The following NFRKB variants were observed in gnomAD, a reference collection of about 807,000 sequenced individuals.
The protein encoded by NFRKB is nuclear factor related to kappa-B-binding protein.
In NFRKB, 62 loss-of-function variants were observed where a neutral mutation model predicts 135.7. The ratio of observed to expected loss-of-function variants is 0.46; its 90% CI spans 0.37 to 0.56. NFRKB has a LOEUF of 0.56. Among genes scored for constraint, NFRKB ranks in the 20% least tolerant of loss-of-function variants. The probability of loss-of-function intolerance (pLI) is 0.00; values close to 1 mark genes in which losing one functional copy is unlikely to be tolerated. For synonymous variants in NFRKB, 678 were observed against 635.6 expected (o/e 1.07, Z -1.00); for missense variants, 1,545 against 1,662.0 (o/e 0.93, Z 1.22).
intron 3 of NFRKB, among the ~76,000 whole-genome samples, chr11:129,890,846 T>C (rs1042054975): frequency 2.0e-5 from 3 of 152,142 alleles, no homozygotes; most frequent in Admixed American, 6.5e-5. Flanking sequence ...ATACAGAAAA[T>C]ACGTGTAGGT....
At position 129,888,706 on chromosome 11, in the gene NFRKB, G is replaced by A. The variant is rs2135673460; in HGVS notation, c.225C>T (p.Pro75=). ...GCTCAGCACTGTCTTCAGGAAACTG[G>A]GGCAGAAACTGCTGGAGGTGTTCAC... is the stretch of plus-strand genomic sequence containing the variant. ...SQREHLQQFL[P]QFPEDSAEQQ... Residue 75 remains proline, a synonymous_variant, in exon 4 of 27, where the codon CCC becomes CCT. Transcript: ENST00000682444. 1.2e-6 allele frequency: 2 copies of A among 1,614,122 alleles called. No homozygotes were observed. Among genetic ancestry groups the A allele is most frequent in the Non-Finnish European group, 8.5e-7 (1 of 1,180,026 alleles).
Position 129,869,712 on chromosome 11 carries a change from T to C in NFRKB, c.3313A>G (p.Ile1105Val), listed in dbSNP as rs140124350. ...GVMPPKAGQT[I>V]TVATHAKQGA... is the part of the protein sequence containing the mutation. ...TGCTTGGCGTGGGTTGCAACGGTGA[T>C]GGTCTGGCCTGCTTTGGGAGGCATC... is the stretch of plus-strand genomic sequence containing the variant. The change falls in exon 24 of 27, where the codon ATC (isoleucine) becomes GTC (valine). Residue 1105 changes from isoleucine (I) to valine (V), a missense_variant. Coordinates refer to ENST00000682444, the MANE Select transcript of NFRKB (RefSeq NM_001143835.2). 203 of 1,614,222 alleles carry C rather than the reference T, an allele frequency of 1.3e-4. No individual in the cohort carries two copies. In the African/African-American group the frequency reaches 2.5e-3, roughly 20 times the overall value.
chr11:129,883,625 G>A (rs1949131635), intron 8 of NFRKB, among the ~76,000 whole-genome samples: 1 of 152,192 alleles, frequency 6.6e-6, no homozygotes, highest in African/African-American at 2.4e-5. Flanking sequence ...TAGAAGGACT[G>A]TCTTTTCTTC....
Position 129,883,222 on chromosome 11 carries a change from A to G in NFRKB, c.817-16T>C, listed in dbSNP as rs755123666. Reference sequence around the variant, plus strand: ...CCGGGTGATCCTAGATGTGATATCCAGAATTTGGTCATGGAGGCCCAAAAA... The same window carrying G: ...CCGGGTGATCCTAGATGTGATATCCGGAATTTGGTCATGGAGGCCCAAAAA... On this transcript the variant is annotated splice_polypyrimidine_tract_variant and intron_variant, in intron 8 of 26. Transcript: ENST00000682444. The G allele has an allele frequency of 1.2e-6, 2 of 1,612,408 alleles. No homozygotes were observed. The highest frequency in any genetic ancestry group is 2.7e-5 in the African/African-American group (2 of 74,890).
rs1345296697 is a variant in NFRKB, at chr11:129,870,118, A to G, written c.2907T>C (p.Val969=). 7.4e-6 allele frequency: 12 copies of G among 1,614,152 alleles called. No homozygotes were observed. Among genetic ancestry groups the G allele is most frequent in the Non-Finnish European group, 1.0e-5 (12 of 1,180,058 alleles). The change falls in exon 24 of 27, where the codon GTT becomes GTC. Residue 969 remains valine, a synonymous_variant. Transcript: ENST00000682444. ...SITTDAKGQT[V]LRITPDMMAT... is the part of the protein sequence containing the mutation. ...CCATCATGTCCGGAGTGATTCGCAG[A>G]ACCGTCTGGCCCTTGGCATCTGTGG...
intron 13 of NFRKB, among the ~76,000 whole-genome samples, chr11:129,879,772 C>G (rs1004492990): frequency 2.0e-5 from 3 of 152,246 alleles, no homozygotes; most frequent in Non-Finnish European, 2.9e-5. Flanking sequence ...ACAGCATCAT[C>G]TGTGCCCTGC....
At chr11:129,888,572 G>A in intron 4 of NFRKB, 22 bp downstream of exon 4, 1 of 1,612,860 alleles carries the variant, frequency 6.2e-7, no homozygotes. Context: ...CCCCCTCAAA[G>A]AAAGAATACT....
intron 7 of NFRKB, 89 bp downstream of exon 7, chr11:129,884,656 A>C (rs1052389997): frequency 2.1e-6 from 3 of 1,427,158 alleles, no homozygotes; most frequent in Non-Finnish European, 2.9e-6. Flanking sequence ...GGTAGGTAGG[A>C]ATCTGCCCCC....
chr11:129,890,745 A>G (rs1949522690), intron 3 of NFRKB, among the ~76,000 whole-genome samples: 2 of 152,202 alleles, frequency 1.3e-5, no homozygotes, highest in Admixed American at 1.3e-4. Context: ...AATGATGACA[A>G]TGACGCATCT....
Position 129,877,309 on chromosome 11 carries a change from G to C in NFRKB, c.1572+16C>G, listed in dbSNP as rs1186358842. The C allele has an allele frequency of 1.2e-6, 2 of 1,613,610 alleles. No homozygotes were observed. Among genetic ancestry groups the C allele is most frequent in the Non-Finnish European group, 8.5e-7 (1 of 1,179,544 alleles). On this transcript the variant is annotated intron_variant, in intron 16 of 26. Coordinates refer to ENST00000682444, the MANE Select transcript of NFRKB (RefSeq NM_001143835.2). Reference sequence around the variant, plus strand: ...CTCACAGAGGCAGAGACTTACACTGGCTTTTAGGTTCTTACCTGCTCCTGA... The same window carrying C: ...CTCACAGAGGCAGAGACTTACACTGCCTTTTAGGTTCTTACCTGCTCCTGA...
chr11:129,888,624 G>C lies in NFRKB; in HGVS notation c.307C>G (p.Pro103Ala). Reference sequence around the variant, plus strand: ...AAAAGCTTCTGGGCAATGTGCAGAGGGTTTCCAAAGCGGAAGTTCTCCCCA... The same window carrying C: ...AAAAGCTTCTGGGCAATGTGCAGAGCGTTTCCAAAGCGGAAGTTCTCCCCA... ...FSGENFRFGNPLHIAQKLFRD... is the reference protein window; with the variant it reads ...FSGENFRFGNALHIAQKLFRD... Residue 103 changes from proline (P) to alanine (A), a missense_variant, in exon 4 of 27, where the codon CCT becomes GCT. Pro to Ala is a conservative substitution (Grantham distance 27). This residue lies in a region of NFRKB where 678 missense variants were observed against 646.7 expected (regional missense o/e 1.05). Transcript: ENST00000682444. 1.9e-6 allele frequency: 3 copies of C among 1,614,142 alleles called. No homozygotes were observed. The highest frequency in any genetic ancestry group is 2.5e-6 in the Non-Finnish European group (3 of 1,180,028).
chr11:129,869,539 C>G lies in NFRKB; in HGVS notation c.3486G>C (p.Val1162=). 6.2e-7 allele frequency: 1 copy of G among 1,613,670 alleles called. No homozygotes were observed. Among genetic ancestry groups the G allele is most frequent in the Non-Finnish European group, 8.5e-7 (1 of 1,180,016 alleles). The change falls in exon 24 of 27, where the codon GTG becomes GTC. Residue 1162 remains valine (V), a synonymous_variant. Coordinates refer to ENST00000682444, the MANE Select transcript of NFRKB (RefSeq NM_001143835.2). ...PISISTGAPT[V]RQVPVSTTVV... Reference sequence around the variant, plus strand: ...CCGTGGTGCTGACAGGGACCTGCCGCACGGTGGGGGCTCCTGTGCTGATGC... The same window carrying G: ...CCGTGGTGCTGACAGGGACCTGCCGGACGGTGGGGGCTCCTGTGCTGATGC...
In NFRKB at chr11:129,874,045, AC is replaced by A. The variant is rs1259853584; in HGVS notation, c.2280-31del. Reference sequence around the variant, plus strand: ...GAAGAACATCGGGGAAAGACAAAAAACAAAAACTTAGGACATGCATACAAAA... The same window carrying A: ...GAAGAACATCGGGGAAAGACAAAAAAAAAAACTTAGGACATGCATACAAAA... On this transcript the variant is annotated intron_variant, in intron 21 of 26. Transcript: ENST00000682444. This position sits in a 1 kb window ranked among gnomAD's most constrained non-coding sequence, Gnocchi z 4.5. 6.2e-7 allele frequency: 1 copy of A among 1,603,022 alleles called. No individual in the cohort carries two copies. The highest frequency in any genetic ancestry group is 1.1e-5 in the South Asian group (1 of 90,806).
intron 13 of NFRKB, among the ~76,000 whole-genome samples, chr11:129,880,165 G>A (rs1172157719): frequency 7.1e-6 from 1 of 139,982 alleles, no homozygotes; most frequent in Non-Finnish European, 1.5e-5. Context: ...ACTCCAGCCT[G>A]GGGACAGAGC....
rs1428281070 is a variant in NFRKB, at chr11:129,869,988, T to C, written c.3037A>G (p.Thr1013Ala). ...GKGISATLHV[T>A]SNPVHAADSP... ...TCAGCTGCATGTACTGGATTGGAAGTGACGTGTAAGGTGGCAGAGATGCCT... is the reference window on the plus strand; with the variant it reads ...TCAGCTGCATGTACTGGATTGGAAGCGACGTGTAAGGTGGCAGAGATGCCT... Residue 1013 changes from threonine to alanine, a missense_variant, in exon 24 of 27, where the codon ACT becomes GCT. Coordinates refer to ENST00000682444, the MANE Select transcript of NFRKB (RefSeq NM_001143835.2). The C allele has an allele frequency of 3.7e-6, 6 of 1,614,116 alleles. No homozygotes were observed. Among genetic ancestry groups the C allele is most frequent in the Non-Finnish European group, 5.1e-6 (6 of 1,180,054 alleles).
intron 13 of NFRKB, among the ~76,000 whole-genome samples, chr11:129,881,049 T>C (rs1855164197): frequency 7.2e-5 from 11 of 152,324 alleles, no homozygotes; most frequent in Admixed American, 6.5e-4. Flanking sequence ...AAACAACTTA[T>C]TCGGGGCTGC....
intron 15 of NFRKB, among the ~76,000 whole-genome samples, chr11:129,877,874 G>A (rs2135654305): frequency 6.6e-6 from 1 of 152,234 alleles, no homozygotes; most frequent in South Asian, 2.1e-4. Flanking sequence ...GGAAGAAAAA[G>A]AAACATGGGA....
chr11:129,869,430 G>A, intron 24 of NFRKB, 64 bp downstream of exon 24: 3 of 1,494,484 alleles, frequency 2.0e-6, no homozygotes, highest in Admixed American at 2.3e-5. Flanking sequence ...TCGGGTAATG[G>A]GCAGTTGAGC....
chr11:129,885,929 C>G (rs1028061834), intron 5 of NFRKB, among the ~76,000 whole-genome samples: 2 of 152,176 alleles, frequency 1.3e-5, no homozygotes, highest in Non-Finnish European at 2.9e-5. Context: ...CCAGGCTGGT[C>G]CAGACCCAGG....
Sources: allele counts gnomAD v4.1 joint callset (sites outside exome capture counted in the v4.1 genomes callset), GRCh38; gene constraint gnomAD v4.1.1; regional missense constraint gnomAD v4.1.1; non-coding constraint Gnocchi (gnomAD v3.1); transcripts MANE v1.5; gene names NCBI Gene and HGNC (gene_info 2026-07-23, HGNC 2026-07-21).